The following GLRX3 variants were observed in gnomAD, a reference collection of about 807,000 sequenced individuals.
The protein encoded by GLRX3 is glutaredoxin-3.
Under a neutral mutation model 49.5 loss-of-function variants are expected in GLRX3, and 22 were observed. That is an observed-to-expected ratio of 0.44 (90% CI 0.32 to 0.63). The LOEUF is 0.63. Among genes scored for constraint, GLRX3 ranks in the 30% least tolerant of loss-of-function variants. GLRX3 has a pLI of 0.05. For synonymous variants in GLRX3, 133 were observed against 140.0 expected (o/e 0.95, Z 0.35); for missense variants, 385 against 396.3 (o/e 0.97, Z 0.24).
At chr10:130,161,837 T>C (rs1334437469) in intron 4 of GLRX3, among the ~76,000 whole-genome samples, 1 of 152,234 alleles carries the variant, frequency 6.6e-6, no homozygotes, top group Non-Finnish European at 1.5e-5. Flanking sequence ...GCTCTTGATA[T>C]GATTACAGCA....
intron 2 of GLRX3, among the ~76,000 whole-genome samples, chr10:130,145,729 A>T (rs1862259464): frequency 6.6e-6 from 1 of 152,180 alleles, no homozygotes; most frequent in Non-Finnish European, 1.5e-5. Context: ...AGTGGTATGG[A>T]ATTCCAAATA....
chr10:130,142,418 A>G (rs1396442692), intron 1 of GLRX3, among the ~76,000 whole-genome samples: 1 of 152,126 alleles, frequency 6.6e-6, no homozygotes, highest in Non-Finnish European at 1.5e-5. Flanking sequence ...TTCTTCTTCA[A>G]GGTAAGCTCT....
chr10:130,159,780 A>T (rs1337106073), intron 2 of GLRX3: 5 of 1,290,676 alleles, frequency 3.9e-6, no homozygotes, highest in Non-Finnish European at 3.9e-6. Context: ...CAACAAAATA[A>T]AAACCTCTGA....
rs149406511 is a variant in GLRX3 at position 130,169,440 on chromosome 10, G to T, written c.721G>T (p.Val241Leu). Residue 241 changes from valine to leucine, a missense_variant, in exon 7 of 11, where the codon GTG becomes TTG. Val to Leu is a conservative substitution (Grantham distance 32). This residue lies in a region of GLRX3 where 374 missense variants were observed against 358.6 expected (regional missense o/e 1.04). Transcript: ENST00000331244. ...TCAATTTTCTCTCTTTAGGCTCAAA[G>T]TGCTGACAAATAAAGCTTCTGTGAT... ...KAPKLEERLKVLTNKASVMLF... is the reference protein window; with the variant it reads ...KAPKLEERLKLLTNKASVMLF... 66 of 1,609,090 alleles carry T rather than the reference G, an allele frequency of 4.1e-5. No homozygotes were observed. Among genetic ancestry groups the T allele is most frequent in the Non-Finnish European group, 5.4e-5 (64 of 1,175,512 alleles).
chr10:130,174,966 G>T, intron 9 of GLRX3, 31 bp from the exon 10 acceptor site: 1 of 1,564,614 alleles, frequency 6.4e-7, no homozygotes, highest in South Asian at 1.1e-5. Flanking sequence ...GGCCTGATAG[G>T]ATGGTTTCAG....
At chr10:130,156,648 A>C (rs1053378575) in intron 2 of GLRX3, among the ~76,000 whole-genome samples, 1 of 152,204 alleles carries the variant, frequency 6.6e-6, no homozygotes, top group South Asian at 2.1e-4. Flanking sequence ...AATTGTAGCT[A>C]TTCGCCGTTA....
intron 2 of GLRX3, among the ~76,000 whole-genome samples, chr10:130,158,960 C>T (rs143905970): frequency 5.3e-5 from 8 of 152,148 alleles, no homozygotes; most frequent in African/African-American, 1.9e-4. Context: ...ACATAGTACT[C>T]TGCTTCCCAC....
chr10:130,168,617 T>G (rs771465332), intron 6 of GLRX3, among the ~76,000 whole-genome samples: 1 of 152,136 alleles, frequency 6.6e-6, no homozygotes, highest in Non-Finnish European at 1.5e-5. Flanking sequence ...GCTAATTCTT[T>G]TGTACTTTTT....
At chr10:130,175,150 A>G (rs908085748) in intron 10 of GLRX3, 61 bp downstream of exon 10, 3 of 946,320 alleles carry the variant, frequency 3.2e-6, no homozygotes, top group Admixed American at 1.8e-5. Context: ...TTTAAAAATG[A>G]TTTCATATTG....
chr10:130,138,847 GT>G (rs61152449), intron 1 of GLRX3, among the ~76,000 whole-genome samples: 1,980 of 95,020 alleles, frequency 0.021, 15 homozygotes, highest in African/African-American at 0.074. Context: ...GAATAAAAGT[GT>G]TTTTTTTTTT....
intron 2 of GLRX3, among the ~76,000 whole-genome samples, chr10:130,148,493 G>A (rs890907896): frequency 3.8e-5 from 5 of 131,524 alleles, no homozygotes; most frequent in African/African-American, 1.5e-4. Flanking sequence ...TTTGGCTTGT[G>A]AAGTAAAGGG....
At chr10:130,158,694 G>T (rs924613851) in intron 2 of GLRX3, among the ~76,000 whole-genome samples, 1 of 152,100 alleles carries the variant, frequency 6.6e-6, no homozygotes, top group Non-Finnish European at 1.5e-5. Flanking sequence ...GTGCTGTTGT[G>T]TATGTGAAAG....
intron 8 of GLRX3, among the ~76,000 whole-genome samples, chr10:130,172,972 A>G (rs1434203577): frequency 6.6e-6 from 1 of 152,232 alleles, no homozygotes. Flanking sequence ...TCTTTAGATT[A>G]CTATGACATT....
intron 2 of GLRX3, among the ~76,000 whole-genome samples, chr10:130,147,097 C>T (rs1331022615): frequency 6.6e-6 from 1 of 152,090 alleles, no homozygotes; most frequent in Non-Finnish European, 1.5e-5. Flanking sequence ...TAGTGATTAG[C>T]TTTTTAAAAT....
chr10:130,165,444 TATA>T (rs1269758022), intron 4 of GLRX3, among the ~76,000 whole-genome samples: 5 of 152,258 alleles, frequency 3.3e-5, no homozygotes, highest in Admixed American at 2.0e-4. Flanking sequence ...GTCACAAAAG[TATA>T]ATAAAATCAT....
intron 7 of GLRX3, among the ~76,000 whole-genome samples, chr10:130,170,379 C>T (rs1185704438): frequency 6.6e-6 from 1 of 152,182 alleles, no homozygotes; most frequent in Admixed American, 6.5e-5. Context: ...AGGGCAGACT[C>T]TGGTTGCCAT....
intron 2 of GLRX3, among the ~76,000 whole-genome samples, chr10:130,149,737 C>T (rs1024313506): frequency 1.3e-4 from 20 of 149,692 alleles, no homozygotes; most frequent in African/African-American, 4.4e-4. Flanking sequence ...AGATCCAAAT[C>T]AACTATTTTG....
chr10:130,142,225 T>C (rs1862188994), intron 1 of GLRX3, among the ~76,000 whole-genome samples: 2 of 152,108 alleles, frequency 1.3e-5, no homozygotes, highest in Admixed American at 1.3e-4. Context: ...CTACCAGTGG[T>C]CTTGCCCTCT....
intron 2 of GLRX3, among the ~76,000 whole-genome samples, chr10:130,147,579 C>T (rs1862293110): frequency 6.6e-6 from 1 of 152,344 alleles, no homozygotes; most frequent in East Asian, 1.9e-4. Context: ...TTCCAGGAGT[C>T]ATCACTTTCC....
Sources: gnomAD v4.1 joint callset for allele counts (sites outside exome capture counted in the v4.1 genomes callset) on GRCh38, gnomAD v4.1.1 for gene constraint, gnomAD v4.1.1 regional missense constraint, MANE v1.5 for transcripts, NCBI Gene and HGNC (gene_info 2026-07-23, HGNC 2026-07-21) for gene names.